The following COL18A1 variants were observed in gnomAD, a reference collection of about 807,000 sequenced individuals.
COL18A1 encodes collagen alpha-1(XVIII) chain.
Under a neutral mutation model 168.0 loss-of-function variants are expected in COL18A1, and 133 were observed. The ratio of observed to expected loss-of-function variants is 0.79; its 90% CI spans 0.69 to 0.91. COL18A1 has a LOEUF of 0.91. Ranked by LOEUF, COL18A1 falls within the 40% of genes least tolerant of loss-of-function variation. COL18A1 has a pLI of 0.00. For missense variants in COL18A1, 2,126 were observed against 1,925.4 expected, an observed-to-expected ratio of 1.10 and a Z score of -1.95; for synonymous variants, 949 against 809.0, an observed-to-expected ratio of 1.17 and a Z score of -2.94.
intron 5 of COL18A1, among the ~76,000 whole-genome samples, chr21:45,475,839 C>T (rs1174325143): frequency 1.3e-5 from 2 of 152,270 alleles, no homozygotes; most frequent in East Asian, 1.9e-4. Flanking sequence ...TTCGCCCCAT[C>T]CCTCCGTTAG....
chr21:45,484,257 GCACA>G (rs377063758), intron 15 of COL18A1, among the ~76,000 whole-genome samples: 7 of 139,932 alleles, frequency 5.0e-5, no homozygotes, highest in South Asian at 2.3e-4. Context: ...CAGCATATGT[GCACA>G]CACACACATA....
intron 2 of COL18A1, among the ~76,000 whole-genome samples, chr21:45,417,583 G>C (rs1249328252): frequency 6.6e-6 from 1 of 152,230 alleles, no homozygotes; most frequent in African/African-American, 2.4e-5. Context: ...CGGTCTCTCT[G>C]GCATTCTGTG....
At chr21:45,406,777 A>AG (rs1438266232) in intron 2 of COL18A1, among the ~76,000 whole-genome samples, 2 of 152,270 alleles carry the variant, frequency 1.3e-5, no homozygotes, top group Admixed American at 1.3e-4. Context: ...GTTATCAAGG[A>AG]GGAGATGTAA....
chr21:45,507,268 C>T, intron 37 of COL18A1: 3 of 511,326 alleles, frequency 5.9e-6, no homozygotes, highest in Non-Finnish European at 1.1e-5. Context: ...GGGAGGGCAA[C>T]CTGCTGTGGA....
chr21:45,504,547 T>TG lies in COL18A1; in HGVS notation c.2862dup (p.Ile955AspfsTer132). On this transcript the variant is annotated frameshift_variant, in exon 34 of 42. Transcript: ENST00000651438. LOFTEE classifies it high-confidence loss of function. ...GCCCCCCAGGCCCACGTGGCTACCC[T>TG]GGGATTCCAGTAAGTCCCAGCCTGT... The TG allele has an allele frequency of 6.3e-7, 1 of 1,575,012 alleles. No individual in the cohort carries two copies. Among genetic ancestry groups the TG allele is most frequent in the African/African-American group, 1.4e-5 (1 of 73,666 alleles).
chr21:45,505,412 C>G lies in COL18A1; in HGVS notation c.3068C>G (p.Thr1023Ser). 1 of 1,568,004 alleles carries G rather than the reference C, an allele frequency of 6.4e-7. No homozygotes were observed. The highest frequency in any genetic ancestry group is 8.7e-7 in the Non-Finnish European group (1 of 1,146,560). Residue 1023 changes from threonine (T) to serine (S), a missense_variant, in exon 36 of 42, where the codon ACC (threonine) becomes AGC (serine). Thr to Ser is a moderately conservative substitution (Grantham distance 58, BLOSUM62 1). Coordinates refer to ENST00000651438, the MANE Select transcript of COL18A1 (RefSeq NM_001379500.1). ...GPPGPPGPPG[T>S]MGASSGVRLW... is the part of the protein sequence containing the mutation. ...CCTGGGCCCCCTGGGCCCCCTGGAA[C>G]CATGGGCGCCTCCTCAGGGGTAAGT...
At chr21:45,496,349 C>A in intron 29 of COL18A1, 151 bp from the exon 30 acceptor site, 3 of 728,468 alleles carry the variant, frequency 4.1e-6, no homozygotes, top group Non-Finnish European at 5.1e-6. Context: ...GGAGCCGTGG[C>A]CCGAGTGACC....
intron 2 of COL18A1, among the ~76,000 whole-genome samples, chr21:45,454,780 C>T (rs2034740546): frequency 1.3e-5 from 2 of 152,248 alleles, no homozygotes; most frequent in Non-Finnish European, 2.9e-5. Flanking sequence ...CTGGAATGTT[C>T]CAGTCTAACC....
At chr21:45,421,657 G>T in intron 2 of COL18A1, 1 of 504,384 alleles carries the variant, frequency 2.0e-6, no homozygotes, top group Non-Finnish European at 4.1e-6. Context: ...CTGGCAGGTT[G>T]CCAGGAAGGA....
At chr21:45,446,082 T>A (rs2034499448) in intron 2 of COL18A1, among the ~76,000 whole-genome samples, 3 of 152,250 alleles carry the variant, frequency 2.0e-5, no homozygotes, top group African/African-American at 7.2e-5. Context: ...ATTTAAGAGC[T>A]AAAATAAAAA....
intron 38 of COL18A1, among the ~76,000 whole-genome samples, chr21:45,509,089 C>T (rs546579875): frequency 2.0e-5 from 3 of 151,732 alleles, no homozygotes; most frequent in Non-Finnish European, 4.4e-5. Flanking sequence ...GGTCAGGGCA[C>T]GTGGTGAGTG....
intron 2 of COL18A1, among the ~76,000 whole-genome samples, chr21:45,441,646 C>T (rs1157877059): frequency 3.3e-5 from 5 of 152,230 alleles, no homozygotes; most frequent in Non-Finnish European, 7.3e-5. Flanking sequence ...GCGCCTTCTA[C>T]AGAACACGGC....
rs749001958 is a variant in COL18A1, at chr21:45,455,751, C to T, written c.107-12491C>T. The T allele has an allele frequency of 9.3e-6, 15 of 1,613,648 alleles. No homozygotes were observed. In the Admixed American group the frequency reaches 1.0e-4, roughly 11 times the overall value. On this transcript the variant is annotated intron_variant, in intron 2 of 41. Coordinates refer to ENST00000651438, the MANE Select transcript of COL18A1 (RefSeq NM_001379500.1). Reference sequence around the variant, plus strand: ...CCCCGGAATGGTTCCACAGAGCCAGCGACAGCCCCTGGCAGCCCTGAGCCA... The same window carrying T: ...CCCCGGAATGGTTCCACAGAGCCAGTGACAGCCCCTGGCAGCCCTGAGCCA...
At chr21:45,409,342 C>T (rs543542411) in intron 2 of COL18A1, among the ~76,000 whole-genome samples, 18 of 152,288 alleles carry the variant, frequency 1.2e-4, no homozygotes, top group African/African-American at 2.9e-4. Context: ...GCATGTTGGG[C>T]GCCCTTATAC....
In COL18A1 at chr21:45,477,796, C is replaced by A; in HGVS notation, c.1052C>A (p.Pro351His). Residue 351 changes from proline to histidine, a missense_variant, in exon 8 of 42, where the codon CCT becomes CAT. By Grantham distance (77) the Pro-to-His change is moderately conservative (BLOSUM62 -2). Transcript: ENST00000651438. ...QKGEPGVPGP[P>H]GRAGPPGSPC... The stretch of plus-strand genomic sequence containing the variant: ...GGGGAGCCAGGTGTTCCGGGCCCAC[C>A]TGGCCGGGCAGGCCCCCCAGGATCC... 6.5e-7 allele frequency: 1 copy of A among 1,548,914 alleles called. No homozygotes were observed. The highest frequency in any genetic ancestry group is 8.7e-7 in the Non-Finnish European group (1 of 1,146,184).
Position 45,425,976 on chromosome 21 carries a change from G to A in COL18A1, c.106+20503G>A, listed in dbSNP as rs1004958436. 6.6e-6 allele frequency among the ~76,000 whole-genome samples: 1 copy of A among 152,162 alleles called. No homozygotes were observed. Among genetic ancestry groups the A allele is most frequent in the Non-Finnish European group, 1.5e-5 (1 of 68,014 alleles). ...TGGGATGAGAACCCAGGAAGGGGCT[G>A]AGTGTGACTCCTCTGGTTTTTAGAG... On this transcript the variant is annotated intron_variant, in intron 2 of 41. Transcript: ENST00000651438. This position sits in a 1 kb window ranked among gnomAD's most constrained non-coding sequence, Gnocchi z 4.1.
At chr21:45,427,858 G>C (rs761002938) in intron 2 of COL18A1, among the ~76,000 whole-genome samples, 1 of 152,214 alleles carries the variant, frequency 6.6e-6, no homozygotes, top group South Asian at 2.1e-4. Flanking sequence ...GGCAACTGGC[G>C]ATGAGCTCAG....
Position 45,504,050 on chromosome 21 carries a change from T to G in COL18A1, c.2723T>G (p.Met908Arg), listed in dbSNP as rs1299153610. 1 of 1,613,616 alleles carries G rather than the reference T, an allele frequency of 6.2e-7. No homozygotes were observed. Among genetic ancestry groups the G allele is most frequent in the Admixed American group, 1.7e-5 (1 of 60,010 alleles). The change falls in exon 33 of 42, where the codon ATG becomes AGG. Residue 908 changes from methionine (M) to arginine (R), a missense_variant. Physicochemically the swap from Met to Arg is moderately conservative, Grantham distance 91. Transcript: ENST00000651438. ...PFDFLQLEAE[M>R]KGEKGDRGDA... is the part of the protein sequence containing the mutation. ...GACTTTCTTCAGTTGGAGGCTGAAA[T>G]GAAGGTGGGTGACCTCCCTGTGGGG...
In COL18A1 at chr21:45,512,439, C is replaced by T. The variant is rs752414504; in HGVS notation, c.*41C>T. On this transcript the variant is annotated 3_prime_UTR_variant, in exon 42 of 42. Coordinates refer to ENST00000651438, the MANE Select transcript of COL18A1 (RefSeq NM_001379500.1). Reference sequence around the variant, plus strand: ...GGATGGCCGGAGAGGACCGGCGGCTCGGAGGAAGCCCCCACCGTGGGCAGG... The same window carrying T: ...GGATGGCCGGAGAGGACCGGCGGCTTGGAGGAAGCCCCCACCGTGGGCAGG... The T allele has an allele frequency of 1.9e-5, 30 of 1,583,912 alleles. No individual in the cohort carries two copies. The highest frequency in any genetic ancestry group is 1.1e-4 in the Admixed American group (6 of 55,894).
Sources: gnomAD v4.1 joint callset for allele counts (sites outside exome capture counted in the v4.1 genomes callset) on GRCh38, gnomAD v4.1.1 for gene constraint, Gnocchi (gnomAD v3.1) non-coding constraint, MANE v1.5 for transcripts, NCBI Gene and HGNC (gene_info 2026-07-23, HGNC 2026-07-21) for gene names.